PLPPR1: variants seen among roughly 807,000 people sequenced by gnomAD.
PLPPR1 encodes the protein phospholipid phosphatase-related protein type 1.
A neutral mutation model predicts 33.1 loss-of-function variants in PLPPR1; 10 were observed. The ratio of observed to expected loss-of-function variants is 0.30; its 90% confidence interval spans 0.19 to 0.51. The LOEUF is 0.51. Ranked by LOEUF, PLPPR1 falls within the 20% of genes least tolerant of loss-of-function variation. The pLI, the probability that PLPPR1 is intolerant of heterozygous loss-of-function variation, is 0.97. For synonymous variants in PLPPR1, 151 were observed against 151.0 expected (o/e 1.00, Z 0.00); for missense variants, 304 against 408.1 (o/e 0.74, Z 2.20).
intron 5 of PLPPR1, 46 bp downstream of exon 5, chr9:101,309,507 ATG>A: frequency 1.3e-6 from 2 of 1,593,644 alleles, no homozygotes; most frequent in Non-Finnish European, 1.7e-6. Flanking sequence ...TTTTGATAGG[ATG>A]TGTGTCTCCC....
At chr9:101,089,368 T>G (rs1388736631) in intron 1 of PLPPR1, among the ~76,000 whole-genome samples, 1 of 152,160 alleles carries the variant, frequency 6.6e-6, no homozygotes, top group Non-Finnish European at 1.5e-5. Context: ...ATTGTTATTG[T>G]AACTAGTTTA....
chr9:101,136,563 A>G (rs1366790816), intron 1 of PLPPR1, among the ~76,000 whole-genome samples: 1 of 152,216 alleles, frequency 6.6e-6, no homozygotes. Context: ...TCTTTTACTC[A>G]TAAATCTCTT....
At chr9:101,306,641 G>A (rs2118950420) in intron 4 of PLPPR1, among the ~76,000 whole-genome samples, 1 of 152,340 alleles carries the variant, frequency 6.6e-6, no homozygotes, top group African/African-American at 2.4e-5. Flanking sequence ...CTTCTCTGAA[G>A]TAAGAAACAA....
intron 2 of PLPPR1, among the ~76,000 whole-genome samples, chr9:101,230,431 A>C (rs774997537): frequency 6.6e-6 from 1 of 152,128 alleles, no homozygotes; most frequent in African/African-American, 2.4e-5. Context: ...CCTGGGATGC[A>C]ATAAAGTACA....
intron 1 of PLPPR1, among the ~76,000 whole-genome samples, chr9:101,058,624 T>C (rs1830306945): frequency 6.6e-6 from 1 of 152,202 alleles, no homozygotes; most frequent in Non-Finnish European, 1.5e-5. Context: ...ATTTTGTACT[T>C]CATAATGATA....
intron 1 of PLPPR1, among the ~76,000 whole-genome samples, chr9:101,141,581 T>C (rs919617825): frequency 6.6e-6 from 1 of 152,212 alleles, no homozygotes; most frequent in African/African-American, 2.4e-5. Context: ...GCAGGAGGAT[T>C]CTATGTTGTA....
intron 1 of PLPPR1, among the ~76,000 whole-genome samples, chr9:101,172,360 A>G (rs571379246): frequency 5.3e-5 from 8 of 152,066 alleles, no homozygotes; most frequent in African/African-American, 1.9e-4. Flanking sequence ...GGGGAAAAAA[A>G]AAAACAAAAT....
At chr9:101,246,082 A>C (rs1273219282) in intron 2 of PLPPR1, among the ~76,000 whole-genome samples, 7 of 128,992 alleles carry the variant, frequency 5.4e-5, no homozygotes, top group African/African-American at 1.1e-4. Flanking sequence ...ATATATATAT[A>C]TATATATATA....
chr9:101,196,476 A>G (rs1230391971), intron 2 of PLPPR1, among the ~76,000 whole-genome samples: 1 of 152,244 alleles, frequency 6.6e-6, no homozygotes, highest in Non-Finnish European at 1.5e-5. Context: ...GTTAATAATT[A>G]TGAAAAATAA....
intron 1 of PLPPR1, among the ~76,000 whole-genome samples, chr9:101,129,454 A>G (rs137960314): frequency 3.3e-5 from 5 of 152,366 alleles, no homozygotes; most frequent in Admixed American, 1.3e-4. Context: ...GCCCAGAACT[A>G]GAAACTACCC....
intron 1 of PLPPR1, among the ~76,000 whole-genome samples, chr9:101,170,578 A>C (rs1825927157): frequency 1.3e-5 from 2 of 152,166 alleles, no homozygotes; most frequent in African/African-American, 4.8e-5. Flanking sequence ...ACTAGTAAGA[A>C]GTATGATGAA....
chr9:101,050,714 A>T (rs1400884164), intron 1 of PLPPR1, among the ~76,000 whole-genome samples: 1 of 152,196 alleles, frequency 6.6e-6, no homozygotes, highest in Non-Finnish European at 1.5e-5. Flanking sequence ...AAATTGATAC[A>T]AAACATTTAT....
chr9:101,309,672 C>A (rs904794840), intron 5 of PLPPR1, among the ~76,000 whole-genome samples: 1 of 152,108 alleles, frequency 6.6e-6, no homozygotes, highest in Admixed American at 6.5e-5. Context: ...GATATTAGTT[C>A]TGGAATGTTT....
intron 1 of PLPPR1, among the ~76,000 whole-genome samples, chr9:101,158,766 C>T (rs1260735410): frequency 6.6e-6 from 1 of 152,182 alleles, no homozygotes; most frequent in African/African-American, 2.4e-5. Context: ...GGTGACTGAG[C>T]AATTATCCTC....
chr9:101,280,960 T>C (rs907231785), intron 3 of PLPPR1, among the ~76,000 whole-genome samples: 3 of 152,008 alleles, frequency 2.0e-5, no homozygotes, highest in African/African-American at 7.2e-5. Flanking sequence ...AACATCCAAA[T>C]TGGACAGGAA....
chr9:101,167,039 A>T (rs1378836732), intron 1 of PLPPR1, among the ~76,000 whole-genome samples: 2 of 99,352 alleles, frequency 2.0e-5, no homozygotes, highest in Admixed American at 9.6e-5. Context: ...GTGCCAGAAG[A>T]TCTATTGAAA....
At chr9:101,109,413 A>G (rs1831022885) in intron 1 of PLPPR1, among the ~76,000 whole-genome samples, 1 of 152,170 alleles carries the variant, frequency 6.6e-6, no homozygotes, top group Non-Finnish European at 1.5e-5. Flanking sequence ...TGATGCATTT[A>G]AATAAGCATT....
rs118000896 is a variant in PLPPR1, at chr9:101,267,723, G to A, written c.64-2157G>A. Among the ~76,000 whole-genome samples, 1,072 of 151,498 alleles carry A rather than the reference G, an allele frequency of 7.1e-3. 9 individuals are homozygous for A. Among genetic ancestry groups the A allele is most frequent in the Non-Finnish European group, 0.012 (785 of 68,002 alleles). On this transcript the variant is annotated intron_variant, in intron 2 of 7. Coordinates refer to ENST00000374874, the MANE Select transcript of PLPPR1 (RefSeq NM_207299.2). The stretch of plus-strand genomic sequence containing the variant: ...GGTTAGAAATTTGTACTTGAAGCTG[G>A]GTGCAGTGGCTCATGCCTGTATAAT...
Position 101,286,091 on chromosome 9 carries a change from A to T in PLPPR1, c.253-13A>T, listed in dbSNP as rs1252972985. 1 of 1,608,440 alleles carries T rather than the reference A, an allele frequency of 6.2e-7. No homozygotes were observed. Among genetic ancestry groups the T allele is most frequent in the Admixed American group, 1.7e-5 (1 of 59,644 alleles). On this transcript the variant is annotated splice_polypyrimidine_tract_variant and intron_variant, in intron 3 of 7. Transcript: ENST00000374874. ...ATCTCCAACTTGACATTTCTTAAACATTCCTTCCCTAGATTTTTATTGGTG... is the reference window on the plus strand; with the variant it reads ...ATCTCCAACTTGACATTTCTTAAACTTTCCTTCCCTAGATTTTTATTGGTG...
Sources: allele counts gnomAD v4.1 joint callset (sites outside exome capture counted in the v4.1 genomes callset), GRCh38; gene constraint gnomAD v4.1.1; transcripts MANE v1.5; gene names NCBI Gene and HGNC (gene_info 2026-07-23, HGNC 2026-07-21).